WDR59: variants seen among roughly 807,000 people sequenced by gnomAD.
The protein encoded by WDR59 is WD repeat domain 59, also known as GATOR2 complex protein WDR59.
Under a neutral mutation model 131.2 loss-of-function variants are expected in WDR59, and 100 were observed. The ratio of observed to expected loss-of-function variants is 0.76; its 90% confidence interval spans 0.65 to 0.90. WDR59 has a LOEUF of 0.90. Ranked by LOEUF, WDR59 falls within the 40% of genes least tolerant of loss-of-function variation. The pLI, the probability that WDR59 is intolerant of heterozygous loss-of-function variation, is 0.00. For synonymous variants in WDR59, 601 were observed against 466.2 expected, an observed-to-expected ratio of 1.29 and a Z score of -3.72; for missense variants, 1,203 against 1,262.2, an observed-to-expected ratio of 0.95 and a Z score of 0.71.
intron 1 of WDR59, among the ~76,000 whole-genome samples, chr16:74,966,934 C>A (rs528946383): frequency 1.3e-5 from 2 of 152,176 alleles, no homozygotes; most frequent in Non-Finnish European, 2.9e-5. Context: ...GCAGTTATTG[C>A]CCTGAATTTC....
At chr16:74,967,296 T>C (rs765546944) in intron 1 of WDR59, among the ~76,000 whole-genome samples, 8 of 152,156 alleles carry the variant, frequency 5.3e-5, no homozygotes, top group Non-Finnish European at 1.2e-4. Flanking sequence ...AGGCAGGCAG[T>C]GAAATGAGAT....
chr16:74,952,676 C>T (rs1235247259), intron 3 of WDR59, among the ~76,000 whole-genome samples: 1 of 151,240 alleles, frequency 6.6e-6, no homozygotes. Context: ...CAAAGGCTCC[C>T]GACATATCAT....
intron 1 of WDR59, among the ~76,000 whole-genome samples, chr16:74,977,641 T>C (rs970267279): frequency 2.0e-5 from 3 of 152,096 alleles, no homozygotes; most frequent in African/African-American, 7.2e-5. Context: ...TGAGCTGAGA[T>C]CGTGCCACTG....
intron 8 of WDR59, among the ~76,000 whole-genome samples, chr16:74,936,435 C>G (rs183558532): frequency 1.0e-3 from 155 of 152,186 alleles, no homozygotes; most frequent in Non-Finnish European, 1.9e-3. Flanking sequence ...CACTGAGTAT[C>G]AACAAACTTG....
chr16:74,887,721 A>G lies in WDR59; in HGVS notation c.2381T>C (p.Met794Thr). ...SFTSSGSCSSMSDPGLNTGGW... is the reference protein window; with the variant it reads ...SFTSSGSCSSTSDPGLNTGGW... ...GCCAGTGTTGAGCCCTGGGTCTGAC[A>G]TACTGGAGCAGGAACCAGAAGAGGT... Residue 794 changes from methionine (M) to threonine (T), a missense_variant, in exon 23 of 26, where the codon ATG (methionine) becomes ACG (threonine). Transcript: ENST00000262144. The G allele has an allele frequency of 1.2e-6, 2 of 1,614,188 alleles. No individual in the cohort carries two copies. The highest frequency in any genetic ancestry group is 1.7e-6 in the Non-Finnish European group (2 of 1,180,010).
chr16:74,952,578 C>G (rs899230476), intron 3 of WDR59, among the ~76,000 whole-genome samples: 1 of 150,544 alleles, frequency 6.6e-6, no homozygotes, highest in African/African-American at 2.4e-5. Context: ...CAGAAAGTGA[C>G]AAGGAAAATG....
intron 25 of WDR59, among the ~76,000 whole-genome samples, chr16:74,878,539 G>A (rs1964326614): frequency 6.6e-6 from 1 of 151,830 alleles, no homozygotes; most frequent in South Asian, 2.1e-4. Context: ...TGTAATACCT[G>A]GAAGGCTGAG....
intron 6 of WDR59, 111 bp from the exon 7 acceptor site, chr16:74,942,937 C>A: frequency 2.2e-6 from 2 of 924,750 alleles, no homozygotes; most frequent in Non-Finnish European, 3.3e-6. Context: ...AGCCCAGAAC[C>A]CTTCAAGTTT....
intron 2 of WDR59, among the ~76,000 whole-genome samples, chr16:74,960,596 T>C (rs1296214470): frequency 6.6e-6 from 1 of 151,294 alleles, no homozygotes; most frequent in African/African-American, 2.4e-5. Context: ...ACTACAAAAA[T>C]TAGCTGGGCT....
intron 2 of WDR59, among the ~76,000 whole-genome samples, chr16:74,959,076 G>A (rs556470688): frequency 1.3e-5 from 2 of 152,230 alleles, no homozygotes; most frequent in East Asian, 3.9e-4. Context: ...AAAACACTAA[G>A]GAGAGGGTTA....
At chr16:74,965,731 T>C (rs1277330724) in intron 2 of WDR59, 42 bp downstream of exon 2, 5 of 1,612,794 alleles carry the variant, frequency 3.1e-6, no homozygotes, top group Non-Finnish European at 3.4e-6. Context: ...TTGCAAATCG[T>C]TTCCAGAAAT....
chr16:74,934,141 T>G (rs939335805), intron 8 of WDR59, among the ~76,000 whole-genome samples: 1 of 152,166 alleles, frequency 6.6e-6, no homozygotes, highest in African/African-American at 2.4e-5. Context: ...ATCCACAGTA[T>G]GTGGAAAGCT....
chr16:74,956,522 C>A lies in WDR59; in HGVS notation c.193G>T (p.Val65Leu), dbSNP rs2033298412. ...AAGCTGTCATGAGGATTCCACTGCACAGCTCCAATGTCCCATTTGCTCTGG... is the reference window on the plus strand; with the variant it reads ...AAGCTGTCATGAGGATTCCACTGCAAAGCTCCAATGTCCCATTTGCTCTGG... ...SRQSKWDIGA[V>L]QWNPHDSFAH... The change falls in exon 3 of 26, where the codon GTG becomes TTG. Residue 65 changes from valine to leucine, a missense_variant. Coordinates refer to ENST00000262144, the MANE Select transcript of WDR59 (RefSeq NM_030581.4). 4 of 1,614,160 alleles carry A rather than the reference C, an allele frequency of 2.5e-6. No homozygotes were observed. Among genetic ancestry groups the A allele is most frequent in the Non-Finnish European group, 3.4e-6 (4 of 1,180,036 alleles).
At position 74,871,894 on chromosome 16, in the gene WDR59, G is replaced by A. The variant is rs1320430134; in HGVS notation, c.*2315C>T. On this transcript the variant is annotated 3_prime_UTR_variant, in exon 26 of 26. Coordinates refer to ENST00000262144, the MANE Select transcript of WDR59 (RefSeq NM_030581.4). ...GCACCTTACCTCAGACCAGAGCCCA[G>A]CACTAAACCTCTGGTTCCACTGCAC... 6.6e-6 allele frequency: 1 copy of A among 152,242 alleles called. No homozygotes were observed. Among genetic ancestry groups the A allele is most frequent in the Non-Finnish European group, 1.5e-5 (1 of 68,038 alleles). 9.4% of individuals were successfully genotyped at this position (152,242 alleles called of 1,614,324 possible). A position where few individuals can be genotyped will look rare whatever the true frequency, so the allele number is the denominator to read the frequency against.
intron 3 of WDR59, among the ~76,000 whole-genome samples, chr16:74,951,847 G>A (rs897606415): frequency 3.9e-5 from 6 of 152,130 alleles, no homozygotes; most frequent in Non-Finnish European, 7.3e-5. Context: ...AGCTTCATGG[G>A]CCAGGAAAAT....
At chr16:74,967,910 A>C (rs144975143) in intron 1 of WDR59, among the ~76,000 whole-genome samples, 1 of 151,996 alleles carries the variant, frequency 6.6e-6, no homozygotes. Context: ...ATGTCCACCA[A>C]TGGAGGAACA....
intron 9 of WDR59, 145 bp downstream of exon 9, chr16:74,923,781 C>G: frequency 1.4e-6 from 1 of 735,068 alleles, no homozygotes; most frequent in Non-Finnish European, 2.2e-6. Flanking sequence ...TTTAAGCTAT[C>G]ATTATCACGT....
intron 25 of WDR59, among the ~76,000 whole-genome samples, chr16:74,878,951 A>T (rs1567681040): frequency 6.6e-6 from 1 of 152,236 alleles, no homozygotes; most frequent in Non-Finnish European, 1.5e-5. Flanking sequence ...TAGGCCAGAA[A>T]TAGAAACTTA....
At chr16:74,883,003 C>G (rs139709875) in intron 25 of WDR59, among the ~76,000 whole-genome samples, 2,041 of 142,470 alleles carry the variant, frequency 0.014, 37 homozygotes, top group African/African-American at 0.048. Flanking sequence ...CTGTTTCTTT[C>G]GTTTTTTTGT....
Sources: gnomAD v4.1 joint callset for allele counts (sites outside exome capture counted in the v4.1 genomes callset) on GRCh38, gnomAD v4.1.1 for gene constraint, MANE v1.5 for transcripts, NCBI Gene and HGNC (gene_info 2026-07-23, HGNC 2026-07-21) for gene names.